Variants in CALN1 observed in about 807,000 individuals in gnomAD.
CALN1 encodes the protein calneuron 1.
In CALN1, 17 loss-of-function variants were observed where a neutral mutation model predicts 30.6. That is an observed-to-expected ratio of 0.56 (90% CI 0.38 to 0.83). The LOEUF is 0.83. CALN1 is among the 40% of genes least tolerant of loss of function. CALN1 has a pLI of 0.00. For missense variants in CALN1, 291 were observed against 354.9 expected (o/e 0.82, Z 1.45); for synonymous variants, 156 against 131.4 (o/e 1.19, Z -1.28).
At chr7:72,142,368 C>T (rs1360734714) in intron 3 of CALN1, among the ~76,000 whole-genome samples, 1 of 152,186 alleles carries the variant, frequency 6.6e-6, no homozygotes, top group Non-Finnish European at 1.5e-5. Context: ...TGGAGCCTCA[C>T]TCATTGCTAG....
At chr7:72,386,011 G>C (rs1805192025) in intron 2 of CALN1, among the ~76,000 whole-genome samples, 1 of 152,166 alleles carries the variant, frequency 6.6e-6, no homozygotes, top group South Asian at 2.1e-4. Flanking sequence ...ATGTAAGTGA[G>C]AGAAGCCAGT....
At chr7:71,827,537 G>A (rs1788987326) in intron 5 of CALN1, among the ~76,000 whole-genome samples, 1 of 152,112 alleles carries the variant, frequency 6.6e-6, no homozygotes, top group South Asian at 2.1e-4. Flanking sequence ...TGGGGAGGCC[G>A]AGGTGGGCAG....
chr7:72,372,104 T>G (rs117442394), intron 2 of CALN1, among the ~76,000 whole-genome samples: 1,826 of 152,328 alleles, frequency 0.012, 16 homozygotes, highest in Non-Finnish European at 0.019. Flanking sequence ...TCTGGCTTGA[T>G]GAAAGGATAC....
chr7:71,847,652 A>G (rs1790347204), intron 5 of CALN1, among the ~76,000 whole-genome samples: 1 of 151,242 alleles, frequency 6.6e-6, no homozygotes, highest in Non-Finnish European at 1.5e-5. Flanking sequence ...ACTGCACGCC[A>G]GCCTGGGCAA....
intron 5 of CALN1, among the ~76,000 whole-genome samples, chr7:72,022,450 T>C (rs1290277040): frequency 6.6e-6 from 1 of 152,246 alleles, no homozygotes; most frequent in Non-Finnish European, 1.5e-5. Context: ...TAGAGTGCAG[T>C]GGTGTGATCA....
chr7:71,928,280 C>A (rs1456037520), intron 5 of CALN1, among the ~76,000 whole-genome samples: 3 of 152,106 alleles, frequency 2.0e-5, no homozygotes, highest in Admixed American at 2.0e-4. Flanking sequence ...CTGAATGATT[C>A]TCTCCCACTG....
At chr7:72,101,180 G>T in intron 4 of CALN1, among the ~76,000 whole-genome samples, 1 of 152,128 alleles carries the variant, frequency 6.6e-6, no homozygotes, top group South Asian at 2.1e-4. Flanking sequence ...TGGTGAGGCT[G>T]GTCTCAAACT....
intron 5 of CALN1, among the ~76,000 whole-genome samples, chr7:71,946,089 T>C (rs1197238353): frequency 6.6e-6 from 1 of 152,168 alleles, no homozygotes; most frequent in East Asian, 1.9e-4. Flanking sequence ...ACTTTGTGGA[T>C]TAGCTAGGCA....
At chr7:71,824,311 A>G (rs112904295) in intron 5 of CALN1, among the ~76,000 whole-genome samples, 1,856 of 152,092 alleles carry the variant, frequency 0.012, 20 homozygotes, top group Non-Finnish European at 0.016. Context: ...TGTCCCCCCA[A>G]AATCCAGGAG....
At position 72,271,684 on chromosome 7, in the gene CALN1, C is replaced by T. The variant is rs562128558; in HGVS notation, c.244+7002G>A. ...AGGAAGGAGGAGATCTAGGTAACGA[C>T]ATGGGTACCAAGGCAGTGATGGACT... On this transcript the variant is annotated intron_variant, in intron 3 of 6. Transcript: ENST00000395275. Among the ~76,000 whole-genome samples, 6 of 149,472 alleles carry T rather than the reference C, an allele frequency of 4.0e-5. No homozygotes were observed. In the South Asian group the frequency reaches 1.3e-3, roughly 32 times the overall value.
intron 3 of CALN1, among the ~76,000 whole-genome samples, chr7:72,170,303 G>A (rs1788848397): frequency 6.6e-6 from 1 of 151,998 alleles, no homozygotes; most frequent in Admixed American, 6.6e-5. Flanking sequence ...TTATTTTGCT[G>A]GCATTTAGTT....
At chr7:72,079,318 C>G (rs138835942) in intron 4 of CALN1, among the ~76,000 whole-genome samples, 22 of 152,062 alleles carry the variant, frequency 1.4e-4, no homozygotes, top group Non-Finnish European at 1.0e-4. Context: ...TGGATAACAT[C>G]GAGTTAAGAT....
intron 6 of CALN1, among the ~76,000 whole-genome samples, chr7:71,796,206 G>A (rs111296169): frequency 2.0e-5 from 3 of 152,100 alleles, no homozygotes; most frequent in African/African-American, 4.8e-5. Flanking sequence ...AGCTATAAAC[G>A]TTTGGGTTCC....
the CALN1 span, among the ~76,000 whole-genome samples, chr7:72,459,260 A>G: frequency 6.6e-6 from 1 of 152,142 alleles, no homozygotes; most frequent in East Asian, 1.9e-4. Context: ...AAAATGCGCG[A>G]TTTTTCAACC....
At chr7:71,849,492 A>T (rs1480809468) in intron 5 of CALN1, among the ~76,000 whole-genome samples, 2 of 150,402 alleles carry the variant, frequency 1.3e-5, no homozygotes, top group Non-Finnish European at 2.9e-5. Flanking sequence ...TTCCATGAGA[A>T]TCTTGTTAGG....
intron 2 of CALN1, among the ~76,000 whole-genome samples, chr7:72,375,569 A>G (rs75797186): frequency 5.9e-4 from 3 of 5,070 alleles, no homozygotes; most frequent in South Asian, 6.2e-3. Flanking sequence ...TGCCTCCAGG[A>G]AAAAAAAAAA....
chr7:72,351,768 GAACA>G (rs765217067), intron 2 of CALN1, among the ~76,000 whole-genome samples: 32 of 151,924 alleles, frequency 2.1e-4, no homozygotes, highest in Non-Finnish European at 4.6e-4. Flanking sequence ...AGGGAAAAAC[GAACA>G]AAGAACAGAT....
At position 71,787,000 on chromosome 7, in the gene CALN1, CTTCT is replaced by C. The variant is rs1188164099; in HGVS notation, c.*771_*774del. The stretch of plus-strand genomic sequence containing the variant: ...TGTTATAGAGATGCCCACGATTATG[CTTCT>C]TTTTTTCTCTAATGGCAGCACAGGC... On this transcript the variant is annotated 3_prime_UTR_variant, in exon 7 of 7. Coordinates refer to ENST00000395275, the MANE Select transcript of CALN1 (RefSeq NM_031468.4). The C allele has an allele frequency of 6.6e-6, 1 of 152,630 alleles. No homozygotes were observed. Among genetic ancestry groups the C allele is most frequent in the African/African-American group, 2.4e-5 (1 of 41,442 alleles). 9.5% of individuals were successfully genotyped at this position (152,630 alleles called of 1,614,324 possible). A position where few individuals can be genotyped will look rare whatever the true frequency, so the allele number is the denominator to read the frequency against.
intron 5 of CALN1, among the ~76,000 whole-genome samples, chr7:71,847,291 A>G (rs973954833): frequency 2.0e-4 from 30 of 152,082 alleles, no homozygotes; most frequent in Admixed American, 1.5e-3. Flanking sequence ...TAATTGAATC[A>G]TGGGGGTGGT....
Sources: gnomAD v4.1 joint callset for allele counts (sites outside exome capture counted in the v4.1 genomes callset) on GRCh38, gnomAD v4.1.1 for gene constraint, MANE v1.5 for transcripts, NCBI Gene and HGNC (gene_info 2026-07-23, HGNC 2026-07-21) for gene names.